CSNK1G1: variants seen among roughly 807,000 people sequenced by gnomAD.
CSNK1G1 encodes the protein casein kinase 1 gamma 1.
A neutral mutation model predicts 59.6 loss-of-function variants in CSNK1G1; 22 were observed. The ratio of observed to expected loss-of-function variants is 0.37; its 90% CI spans 0.26 to 0.53. CSNK1G1 has a LOEUF of 0.53. CSNK1G1 is among the 20% of genes least tolerant of loss of function. The probability of loss-of-function intolerance (pLI) is 0.89; values close to 1 mark genes in which losing one functional copy is unlikely to be tolerated. For missense variants in CSNK1G1, 384 were observed against 519.5 expected (o/e 0.74, Z 2.54); for synonymous variants, 179 against 177.1 (o/e 1.01, Z -0.08).
intron 1 of CSNK1G1, among the ~76,000 whole-genome samples, chr15:64,313,155 G>A (rs1176710539): frequency 6.6e-6 from 1 of 152,186 alleles, no homozygotes; most frequent in Non-Finnish European, 1.5e-5. Flanking sequence ...GTTGGTGGGA[G>A]TGTACATTAG....
chr15:64,284,622 C>T (rs1051772519), intron 2 of CSNK1G1, among the ~76,000 whole-genome samples: 2 of 151,764 alleles, frequency 1.3e-5, no homozygotes, highest in African/African-American at 4.8e-5. Flanking sequence ...AATATATATA[C>T]TTTTGTGTAA....
chr15:64,225,237 G>A (rs1268756227), intron 4 of CSNK1G1, among the ~76,000 whole-genome samples: 1 of 151,888 alleles, frequency 6.6e-6, no homozygotes, highest in African/African-American at 2.4e-5. Context: ...TCAAACTCCT[G>A]GCCTCAAGTG....
chr15:64,181,214 C>A, intron 10 of CSNK1G1: 1 of 1,532,844 alleles, frequency 6.5e-7, no homozygotes. Context: ...AGGTTCACTG[C>A]CATCCCAGTT....
chr15:64,308,898 A>T (rs1895840655), intron 1 of CSNK1G1, among the ~76,000 whole-genome samples: 1 of 6,326 alleles, frequency 1.6e-4, no homozygotes, highest in African/African-American at 1.8e-4. Context: ...CTCTGTCTCA[A>T]AAAAAAAAAA....
chr15:64,342,373 T>C (rs1341347188), intron 1 of CSNK1G1, among the ~76,000 whole-genome samples: 1 of 152,246 alleles, frequency 6.6e-6, no homozygotes, highest in Non-Finnish European at 1.5e-5. Flanking sequence ...TCTCAATAAA[T>C]TGCCATCACT....
At chr15:64,226,322 G>A (rs1043145837) in intron 4 of CSNK1G1, among the ~76,000 whole-genome samples, 2 of 152,106 alleles carry the variant, frequency 1.3e-5, no homozygotes, top group African/African-American at 4.8e-5. Context: ...CACTTTGGGA[G>A]GCCAAGGTGT....
intron 4 of CSNK1G1, among the ~76,000 whole-genome samples, chr15:64,233,967 C>G (rs1054985614): frequency 2.6e-5 from 4 of 152,150 alleles, no homozygotes; most frequent in Non-Finnish European, 5.9e-5. Context: ...TAAAATGTTT[C>G]CTGACAATGC....
At chr15:64,205,805 A>G (rs2082171205) in intron 7 of CSNK1G1, among the ~76,000 whole-genome samples, 1 of 152,226 alleles carries the variant, frequency 6.6e-6, no homozygotes, top group African/African-American at 2.4e-5. Flanking sequence ...ATCAATGAGA[A>G]GATGTATATG....
At chr15:64,331,765 C>T (rs1365238163) in intron 1 of CSNK1G1, among the ~76,000 whole-genome samples, 11 of 149,360 alleles carry the variant, frequency 7.4e-5, no homozygotes, top group South Asian at 6.5e-4. Flanking sequence ...AGAAAATTTT[C>T]GCAACCTACT....
intron 2 of CSNK1G1, among the ~76,000 whole-genome samples, chr15:64,297,390 C>A (rs1596239324): frequency 1.3e-5 from 2 of 151,856 alleles, no homozygotes; most frequent in East Asian, 3.9e-4. Context: ...GAAGGAATTG[C>A]AAGTGTAAAG....
chr15:64,271,045 C>T (rs1408137966), intron 2 of CSNK1G1, among the ~76,000 whole-genome samples: 4 of 152,052 alleles, frequency 2.6e-5, no homozygotes, highest in East Asian at 1.9e-4. Context: ...TGTAGCAGCA[C>T]GATCTCAGCT....
At chr15:64,332,505 C>A (rs1350907694) in intron 1 of CSNK1G1, among the ~76,000 whole-genome samples, 1 of 102,076 alleles carries the variant, frequency 9.8e-6, no homozygotes, top group Non-Finnish European at 1.9e-5. Context: ...AGGGGAATAT[C>A]ACACTCTGGG....
chr15:64,225,630 TTTG>T (rs974947395), intron 4 of CSNK1G1, among the ~76,000 whole-genome samples: 6 of 152,118 alleles, frequency 3.9e-5, no homozygotes, highest in African/African-American at 1.4e-4. Flanking sequence ...ACCATGATCT[TTTG>T]TTGTTGTTGT....
intron 10 of CSNK1G1, chr15:64,181,972 T>C (rs1288889717): frequency 6.6e-6 from 1 of 151,572 alleles, no homozygotes; most frequent in East Asian, 1.9e-4. Context: ...TTGGGACAGA[T>C]AGGGTGAATA....
intron 1 of CSNK1G1, among the ~76,000 whole-genome samples, chr15:64,318,958 T>C (rs1340230818): frequency 6.6e-6 from 1 of 151,892 alleles, no homozygotes; most frequent in Non-Finnish European, 1.5e-5. Context: ...GCTCAAGTGA[T>C]CTCTTGCTCA....
intron 1 of CSNK1G1, among the ~76,000 whole-genome samples, chr15:64,308,284 A>C (rs1393461281): frequency 6.6e-6 from 1 of 151,844 alleles, no homozygotes; most frequent in East Asian, 1.9e-4. Context: ...TTTTTTGTAG[A>C]GACGAGGTCT....
chr15:64,245,880 G>C (rs181923206), intron 4 of CSNK1G1, among the ~76,000 whole-genome samples: 2 of 152,060 alleles, frequency 1.3e-5, no homozygotes, highest in African/African-American at 4.8e-5. Flanking sequence ...ACATGTTCTC[G>C]CTCATGTGAA....
At chr15:64,301,361 A>T (rs1319563886) in intron 1 of CSNK1G1, among the ~76,000 whole-genome samples, 2 of 61,438 alleles carry the variant, frequency 3.3e-5, no homozygotes, top group Admixed American at 2.6e-4. Context: ...CCAAAGTGAA[A>T]ATAAAGCAAA....
chr15:64,232,038 TCTC>T (rs974289981), intron 4 of CSNK1G1, among the ~76,000 whole-genome samples: 20 of 152,302 alleles, frequency 1.3e-4, no homozygotes, highest in African/African-American at 4.3e-4. Flanking sequence ...GAAAACTTCA[TCTC>T]CTTGCATTAT....
Sources: allele counts gnomAD v4.1 joint callset (sites outside exome capture counted in the v4.1 genomes callset), GRCh38; gene constraint gnomAD v4.1.1; transcripts MANE v1.5; gene names NCBI Gene and HGNC (gene_info 2026-07-23, HGNC 2026-07-21).